RP1: variants seen among roughly 807,000 people sequenced by gnomAD.
RP1 encodes the protein RP1 axonemal microtubule associated.
Under a neutral mutation model 14.8 loss-of-function variants are expected in RP1, and 16 were observed. The ratio of observed to expected loss-of-function variants is 1.08; its 90% confidence interval spans 0.73 to 1.65. The LOEUF is 1.65. Ranked by LOEUF, RP1 falls within the 40% of genes most tolerant of loss-of-function variation. RP1 has a pLI of 0.00. For synonymous variants in RP1, 876 were observed against 883.6 expected (o/e 0.99, Z 0.15); for missense variants, 2,631 against 2,535.0 (o/e 1.04, Z -0.81).
chr8:54,620,400 T>G (rs1034265125), intron 1 of RP1, among the ~76,000 whole-genome samples: 1 of 152,252 alleles, frequency 6.6e-6, no homozygotes. Context: ...CTAGGAGGAA[T>G]AGGTTATTCC....
intron 24 of RP1, among the ~76,000 whole-genome samples, chr8:54,823,671 G>A (rs1181284763): frequency 6.6e-6 from 1 of 152,132 alleles, no homozygotes; most frequent in Non-Finnish European, 1.5e-5. Flanking sequence ...TTATGGTATG[G>A]ATGTATGGCA....
intron 1 of RP1, among the ~76,000 whole-genome samples, chr8:54,599,759 T>C (rs1432352977): frequency 6.6e-6 from 1 of 152,182 alleles, no homozygotes; most frequent in Non-Finnish European, 1.5e-5. Flanking sequence ...TGACTGAATG[T>C]CTTTTGTCAT....
intron 24 of RP1, among the ~76,000 whole-genome samples, chr8:54,806,616 T>C (rs1272583484): frequency 6.6e-6 from 1 of 152,192 alleles, no homozygotes; most frequent in Non-Finnish European, 1.5e-5. Flanking sequence ...TGAACATAAG[T>C]GTTTTAAGAG....
At chr8:54,670,672 TA>T (rs35355398) in intron 7 of RP1, among the ~76,000 whole-genome samples, 47 of 2,214 alleles carry the variant, frequency 0.021, 3 homozygotes, top group African/African-American at 0.097. Context: ...TATATGTTTT[TA>T]TATATATATA....
chr8:54,663,675 A>G (rs1177485151), intron 6 of RP1: 1 of 1,505,794 alleles, frequency 6.6e-7, no homozygotes, highest in Admixed American at 2.3e-5. Flanking sequence ...TTGGCACTGA[A>G]AGTTTTTTTT....
intron 1 of RP1, among the ~76,000 whole-genome samples, chr8:54,574,487 G>A (rs12676905): frequency 0.26 from 39,640 of 151,852 alleles, 5,289 homozygotes; most frequent in East Asian, 0.37. Flanking sequence ...GGCATTCCGA[G>A]CAGAGGGAAT....
intron 6 of RP1, among the ~76,000 whole-genome samples, chr8:54,656,482 G>A (rs557186996): frequency 2.0e-5 from 3 of 151,896 alleles, no homozygotes; most frequent in South Asian, 4.2e-4. Context: ...ATTCTTAGGC[G>A]GTCATGAGAA....
intron 24 of RP1, among the ~76,000 whole-genome samples, chr8:54,816,063 T>C (rs1254967256): frequency 2.6e-5 from 4 of 152,278 alleles, no homozygotes; most frequent in East Asian, 1.9e-4. Flanking sequence ...TTCACAGGTG[T>C]AAATGTGAAG....
chr8:54,792,217 T>C (rs1450100302), intron 24 of RP1, among the ~76,000 whole-genome samples: 1 of 151,968 alleles, frequency 6.6e-6, no homozygotes, highest in Non-Finnish European at 1.5e-5. Flanking sequence ...TGAGTACATT[T>C]ACAACAATAG....
chr8:54,572,325 G>C (rs1260604281), intron 1 of RP1, among the ~76,000 whole-genome samples: 1 of 152,248 alleles, frequency 6.6e-6, no homozygotes, highest in African/African-American at 2.4e-5. Flanking sequence ...CAGGAGTTCA[G>C]TTAATCTTCT....
intron 24 of RP1, among the ~76,000 whole-genome samples, chr8:54,809,199 G>A (rs1498190): frequency 0.32 from 48,786 of 152,032 alleles, 8,292 homozygotes; most frequent in South Asian, 0.38. Flanking sequence ...ATTTGTTTTT[G>A]TTAACTTGGA....
chr8:54,836,684 C>T (rs751326214), intron 24 of RP1, among the ~76,000 whole-genome samples: 5 of 152,176 alleles, frequency 3.3e-5, no homozygotes, highest in Non-Finnish European at 7.3e-5. Flanking sequence ...CCAGCCCACC[C>T]AGTGCCTTGA....
At chr8:54,814,363 A>G (rs1426713325) in intron 24 of RP1, among the ~76,000 whole-genome samples, 3 of 152,236 alleles carry the variant, frequency 2.0e-5, no homozygotes, top group Non-Finnish European at 4.4e-5. Flanking sequence ...GTAAAAAATG[A>G]ACAAAAATAA....
rs1810278246 is a variant in RP1 at position 54,784,822 on chromosome 8, A to G, written c.3615+1112A>G. On this transcript the variant is annotated intron_variant, in intron 24 of 28. Transcript: ENST00000637698. ...AGTGAGAGTATATAACTGTGGATCT[A>G]TGGAAGTTGTCTTCATTTCTTTTTG... Among the ~76,000 whole-genome samples the G allele has an allele frequency of 3.3e-5, 5 of 152,234 alleles. No individual in the cohort carries two copies. The South Asian group carries it at 1.0e-3, about 32-fold the overall frequency.
chr8:54,571,442 T>G (rs998843461), intron 1 of RP1, among the ~76,000 whole-genome samples: 42 of 152,296 alleles, frequency 2.8e-4, no homozygotes, highest in African/African-American at 1.0e-3. Flanking sequence ...GTCTGAGAGA[T>G]GTGGCCCCTC....
At chr8:54,853,484 G>A (rs1039112365) in intron 26 of RP1, among the ~76,000 whole-genome samples, 2 of 152,152 alleles carry the variant, frequency 1.3e-5, no homozygotes, top group African/African-American at 4.8e-5. Context: ...AGTGATGGGA[G>A]CAGCCTTGGG....
chr8:54,799,737 C>G (rs1220974269), intron 24 of RP1, among the ~76,000 whole-genome samples: 5 of 152,008 alleles, frequency 3.3e-5, no homozygotes, highest in South Asian at 4.2e-4. Context: ...ATATGCTACC[C>G]CATGTGCAGT....
rs574203171 is a variant in RP1 at position 54,661,250 on chromosome 8, A to T, written c.1172-2449A>T. Reference sequence around the variant, plus strand: ...TGATATATATAATATATACATAATGATATATAAATGATATATATAAATGAT... The same window carrying T: ...TGATATATATAATATATACATAATGTTATATAAATGATATATATAAATGAT... On this transcript the variant is annotated intron_variant, in intron 6 of 22. Coordinates refer to the RP1 transcript ENST00000636932. 7.7e-3 allele frequency among the ~76,000 whole-genome samples: 1,130 copies of T among 145,884 alleles called. 19 individuals are homozygous for T. Among genetic ancestry groups the T allele is most frequent in the African/African-American group, 0.027 (1,073 of 40,144 alleles).
chr8:54,680,420 C>T (rs909892565), intron 12 of RP1, among the ~76,000 whole-genome samples: 3 of 152,024 alleles, frequency 2.0e-5, no homozygotes, highest in Non-Finnish European at 2.9e-5. Flanking sequence ...AAAGAGTAAA[C>T]GGATGATGGT....
Sources: allele counts gnomAD v4.1 joint callset (sites outside exome capture counted in the v4.1 genomes callset), GRCh38; gene constraint gnomAD v4.1.1; transcripts MANE v1.5; gene names NCBI Gene and HGNC (gene_info 2026-07-23, HGNC 2026-07-21).